The following TIAM1 variants were observed in gnomAD, a reference collection of about 807,000 sequenced individuals.
TIAM1 encodes the protein TIAM Rac1 associated GEF 1.
TIAM1 carries 65 observed loss-of-function variants against 163.5 expected under a neutral mutation model. The ratio of observed to expected loss-of-function variants is 0.40; its 90% CI spans 0.33 to 0.49. The LOEUF (loss-of-function observed/expected upper bound fraction) is 0.49. Among genes scored for constraint, TIAM1 ranks in the 20% least tolerant of loss-of-function variants. The pLI is 0.77. For synonymous variants in TIAM1, 833 were observed against 810.1 expected (o/e 1.03, Z -0.48); for missense variants, 1,789 against 2,044.7 (o/e 0.87, Z 2.41).
At chr21:31,464,310 T>C (rs2045442655) in intron 1 of TIAM1, among the ~76,000 whole-genome samples, 1 of 152,152 alleles carries the variant, frequency 6.6e-6, no homozygotes, top group Non-Finnish European at 1.5e-5. Context: ...ACAGTAACAA[T>C]ATTCCTAGGT....
chr21:31,214,219 G>A (rs958799474), intron 9 of TIAM1, among the ~76,000 whole-genome samples: 2 of 151,988 alleles, frequency 1.3e-5, no homozygotes, highest in African/African-American at 4.8e-5. Flanking sequence ...CAGCTACTTG[G>A]GAAGCTGAGA....
At position 31,127,145 on chromosome 21, in the gene TIAM1, C is replaced by G; in HGVS notation, c.4053G>C (p.Glu1351Asp). 1 of 1,613,932 alleles carries G rather than the reference C, an allele frequency of 6.2e-7. No homozygotes were observed. Among genetic ancestry groups the G allele is most frequent in the Non-Finnish European group, 8.5e-7 (1 of 1,179,814 alleles). The change falls in exon 26 of 28, where the codon GAG becomes GAC. Residue 1351 changes from glutamate (E) to aspartate (D), a missense_variant. Around this residue, in one of 5 missense-constraint regions of TIAM1, gnomAD observed 415 missense variants for 439.2 expected, o/e 0.94. Coordinates refer to ENST00000541036, the MANE Select transcript of TIAM1 (RefSeq NM_001353694.2). Reference protein sequence around the residue: ...QVRALASADAEANAVCEIVHV... With the variant: ...QVRALASADADANAVCEIVHV... ...GGACAATTTCACACACGGCATTTGCCTCTGCATCTAAAGAAATTAAAACAA... is the reference window on the plus strand; with the variant it reads ...GGACAATTTCACACACGGCATTTGCGTCTGCATCTAAAGAAATTAAAACAA...
intron 16 of TIAM1, among the ~76,000 whole-genome samples, chr21:31,162,545 A>G (rs1352620860): frequency 6.6e-6 from 1 of 152,228 alleles, no homozygotes; most frequent in Admixed American, 6.5e-5. Context: ...TGCTCCCCAC[A>G]TCCAACCCAG....
rs572356384 is a variant in TIAM1 at position 31,507,179 on chromosome 21, ATTTTTTTTTTTTTTTTTTTTTTTTTT to A, written c.-421-43170_-421-43145del. 7.6e-3 allele frequency among the ~76,000 whole-genome samples: 338 copies of A among 44,592 alleles called. 2 individuals are homozygous for A. Among genetic ancestry groups the A allele is most frequent in the Non-Finnish European group, 9.5e-3 (243 of 25,688 alleles). The allele number at this position is 44,592 out of a possible 152,430, so 29.3% of individuals were successfully genotyped here. A position where few individuals can be genotyped will look rare whatever the true frequency, so the allele number is the denominator to read the frequency against. ...TTTTTGAGGTGCATGCACCTTTTTA[ATTTTTTTTTTTTTTTTTTTTTTTTTT>A]TTTTTTTTTTTTTTTTTTGAGACAG... On this transcript the variant is annotated intron_variant, in intron 1 of 28. Transcript: ENST00000286827.
chr21:31,143,729 CTTT>C (rs545023367), intron 20 of TIAM1, among the ~76,000 whole-genome samples: 2 of 143,052 alleles, frequency 1.4e-5, no homozygotes, highest in Admixed American at 7.0e-5. Context: ...ATTCTTCTGT[CTTT>C]TTTTTTTTTT....
chr21:31,126,687 AAAG>A (rs1302326142), intron 26 of TIAM1, among the ~76,000 whole-genome samples: 2 of 152,308 alleles, frequency 1.3e-5, no homozygotes, highest in African/African-American at 4.8e-5. Context: ...TAGAAAAATA[AAAG>A]AATAGGTTTC....
At chr21:31,487,234 A>G (rs1046606203) in intron 1 of TIAM1, among the ~76,000 whole-genome samples, 3 of 152,266 alleles carry the variant, frequency 2.0e-5, no homozygotes, top group South Asian at 2.1e-4. Context: ...TCATGAGCAG[A>G]GCCCTACAAG....
At chr21:31,248,888 C>A (rs1452602114) in intron 5 of TIAM1, among the ~76,000 whole-genome samples, 3 of 152,070 alleles carry the variant, frequency 2.0e-5, no homozygotes, top group Non-Finnish European at 2.9e-5. Context: ...CTCCTGGACA[C>A]CTGCACCCTG....
At chr21:31,199,224 G>C (rs1279307863) in intron 12 of TIAM1, among the ~76,000 whole-genome samples, 1 of 152,006 alleles carries the variant, frequency 6.6e-6, no homozygotes, top group African/African-American at 2.4e-5. Flanking sequence ...CCACCGTCAC[G>C]CTCTTGCCTG....
intron 2 of TIAM1, among the ~76,000 whole-genome samples, chr21:31,289,633 T>C (rs2073938462): frequency 6.6e-6 from 1 of 152,152 alleles, no homozygotes; most frequent in Admixed American, 6.5e-5. Context: ...AAAAAGCATA[T>C]GAAGTCATTG....
intron 14 of TIAM1, 134 bp from the exon 15 acceptor site, chr21:31,182,779 C>T (rs1239744311): frequency 3.5e-6 from 3 of 861,044 alleles, no homozygotes; most frequent in Non-Finnish European, 5.1e-6. Context: ...GGCTGCGGTG[C>T]TCGGGAGTGA....
At chr21:31,340,128 A>T (rs532764218) in intron 1 of TIAM1, among the ~76,000 whole-genome samples, 2 of 151,910 alleles carry the variant, frequency 1.3e-5, no homozygotes, top group African/African-American at 4.8e-5. Flanking sequence ...AAGCAAATGA[A>T]GCCTTTTCCC....
At chr21:31,325,101 A>C (rs2075440482) in intron 2 of TIAM1, among the ~76,000 whole-genome samples, 1 of 150,080 alleles carries the variant, frequency 6.7e-6, no homozygotes, top group Admixed American at 6.7e-5. Flanking sequence ...ACAACATGGC[A>C]AGACCCCATC....
Position 31,247,023 on chromosome 21 carries a change from T to A in TIAM1, c.1412-1363A>T, listed in dbSNP as rs190973080. Among the ~76,000 whole-genome samples, 73 of 152,332 alleles carry A rather than the reference T, an allele frequency of 4.8e-4. 1 individual carries two copies. In the East Asian group the frequency reaches 9.4e-3, roughly 20 times the overall value. ...GGTAAAGCCCTATGCTAATGCTTTT[T>A]TGAAAGATAAAGTTTGCCAGGCACA... On this transcript the variant is annotated intron_variant, in intron 5 of 27. Coordinates refer to ENST00000541036, the MANE Select transcript of TIAM1 (RefSeq NM_001353694.2).
At chr21:31,442,888 C>CA (rs889818394) in intron 2 of TIAM1, among the ~76,000 whole-genome samples, 5 of 152,168 alleles carry the variant, frequency 3.3e-5, no homozygotes, top group African/African-American at 1.2e-4. Flanking sequence ...GACCATGCAC[C>CA]AGGTCACATA....
rs2071824020 is a variant in TIAM1 at position 31,251,831 on chromosome 21, G to A, written c.1322C>T (p.Ala441Val). 6.2e-7 allele frequency: 1 copy of A among 1,613,586 alleles called. No individual in the cohort carries two copies. Among genetic ancestry groups the A allele is most frequent in the Non-Finnish European group, 8.5e-7 (1 of 1,179,710 alleles). Residue 441 changes from alanine to valine, a missense_variant, in exon 5 of 28, where the codon GCC becomes GTC. By Grantham distance (64) the Ala-to-Val change is moderately conservative. This residue lies in a region of TIAM1 where 456 missense variants were observed against 586.6 expected (regional missense o/e 0.78). Transcript: ENST00000541036. ...CTTGTGCACCAGGAAGTTCTTGACG[G>A]CCAGGGCGCCGGCCTTGCGCACCGT... ...QGTVRKAGALAVKNFLVHKKN... is the reference protein window; with the variant it reads ...QGTVRKAGALVVKNFLVHKKN...
intron 2 of TIAM1, among the ~76,000 whole-genome samples, chr21:31,458,633 G>A (rs1176951528): frequency 6.6e-6 from 1 of 152,078 alleles, no homozygotes; most frequent in South Asian, 2.1e-4. Context: ...TTAGACAATG[G>A]GCACCTGCAT....
chr21:31,151,159 C>T (rs2083351809), intron 19 of TIAM1, among the ~76,000 whole-genome samples: 1 of 152,204 alleles, frequency 6.6e-6, no homozygotes, highest in South Asian at 2.1e-4. Context: ...AACAGTTGAG[C>T]AGTTTCTTAA....
rs1569033099 is a variant in TIAM1 at position 31,210,675 on chromosome 21, GAAAGAAAGAAAA to G, written c.2218-472_2218-461del. On this transcript the variant is annotated intron_variant, in intron 10 of 27. Transcript: ENST00000541036. Reference sequence around the variant, plus strand: ...AAAGAAAGAAAGAAAGAAAAAGAAAGAAAGAAAGAAAAAGAAAGAAAGAAAGAAAGAGAAAGA... The same window carrying G: ...AAAGAAAGAAAGAAAGAAAAAGAAAGAGAAAGAAAGAAAGAAAGAGAAAGA... 1.1e-3 allele frequency among the ~76,000 whole-genome samples: 75 copies of G among 71,356 alleles called. 15 individuals carry two copies. The highest frequency in any genetic ancestry group is 5.3e-3 in the African/African-American group (68 of 12,912). 46.8% of individuals were successfully genotyped at this position (71,356 alleles called of 152,430 possible).
Sources: gnomAD v4.1 joint callset for allele counts (sites outside exome capture counted in the v4.1 genomes callset) on GRCh38, gnomAD v4.1.1 for gene constraint, gnomAD v4.1.1 regional missense constraint, MANE v1.5 for transcripts, NCBI Gene and HGNC (gene_info 2026-07-23, HGNC 2026-07-21) for gene names.